The following MIB1 variants were observed in gnomAD, a reference collection of about 807,000 sequenced individuals.
MIB1 encodes the protein E3 ubiquitin-protein ligase MIB1.
MIB1 carries 278 observed loss-of-function variants against 124.5 expected under a neutral mutation model. The observed-to-expected ratio is 2.23, with a 90% CI of 2.02 to 2.47. MIB1 has a LOEUF of 2.47. MIB1 is among the 30% of genes most tolerant of loss of function. The pLI is 0.00. For synonymous variants in MIB1, 446 were observed against 429.4 expected (o/e 1.04, Z -0.48); for missense variants, 957 against 1,254.4 (o/e 0.76, Z 3.58).
At chr18:21,709,382 G>A (rs984342523) in intron 1 of MIB1, among the ~76,000 whole-genome samples, 5 of 151,132 alleles carry the variant, frequency 3.3e-5, no homozygotes, top group African/African-American at 4.9e-5. Flanking sequence ...CTCTCTCTCG[G>A]CTACACTGCA....
At chr18:21,742,513 G>C (rs923323748) in intron 1 of MIB1, among the ~76,000 whole-genome samples, 3 of 152,098 alleles carry the variant, frequency 2.0e-5, no homozygotes, top group Non-Finnish European at 4.4e-5. Flanking sequence ...ACTAACGTCC[G>C]TCTCAGTAAG....
chr18:21,798,439 T>C (rs2041611533), intron 8 of MIB1, among the ~76,000 whole-genome samples: 1 of 152,116 alleles, frequency 6.6e-6, no homozygotes, highest in South Asian at 2.1e-4. Flanking sequence ...CTGGCTGAAG[T>C]ACTCCCTGGA....
chr18:21,735,930 G>C (rs1180802986), upstream of MIB1, among the ~76,000 whole-genome samples: 1 of 152,240 alleles, frequency 6.6e-6, no homozygotes, highest in African/African-American at 2.4e-5. Flanking sequence ...TCTGGGGGAA[G>C]GGGCAGTTGT....
chr18:21,732,645 C>CGGA (rs773481180), intron 1 of MIB1, among the ~76,000 whole-genome samples: 31 of 152,070 alleles, frequency 2.0e-4, no homozygotes, highest in Admixed American at 3.9e-4. Flanking sequence ...GTGATCCTCC[C>CGGA]ACCTTGGCCT....
At chr18:21,750,362 C>T (rs1478959545) in intron 1 of MIB1, among the ~76,000 whole-genome samples, 1 of 151,988 alleles carries the variant, frequency 6.6e-6, no homozygotes, top group Non-Finnish European at 1.5e-5. Context: ...GAGTCTCGCT[C>T]TGTCGTCCAG....
Position 21,853,223 on chromosome 18 carries a change from G to C in MIB1, c.2665+5G>C. On this transcript the variant is annotated splice_donor_5th_base_variant and intron_variant, in intron 18 of 20. Transcript: ENST00000261537. ...GCCACATGTGTGCTTGTGAGAGTAA[G>C]TAGCCTATGCAGAGTTCCTCAATAT... 6.3e-7 allele frequency: 1 copy of C among 1,594,366 alleles called. No individual in the cohort carries two copies. Among genetic ancestry groups the C allele is most frequent in the Non-Finnish European group, 8.6e-7 (1 of 1,162,652 alleles).
At chr18:21,843,964 A>G (rs2042113093) in intron 14 of MIB1, 128 bp from the exon 15 acceptor site, 2 of 847,510 alleles carry the variant, frequency 2.4e-6, no homozygotes, top group African/African-American at 3.4e-5. Context: ...AGGCAAAAGC[A>G]TAAAAATGAT....
chr18:21,721,159 GTTTTTTTTTT>G (rs34277676), intron 1 of MIB1, among the ~76,000 whole-genome samples: 32 of 29,754 alleles, frequency 1.1e-3, no homozygotes, highest in Non-Finnish European at 2.0e-3. Flanking sequence ...TTTTAAAGAA[GTTTTTTTTTT>G]TTTTTTTTTT....
chr18:21,832,814 G>A (rs1005657418), intron 12 of MIB1, among the ~76,000 whole-genome samples: 2 of 152,132 alleles, frequency 1.3e-5, no homozygotes, highest in African/African-American at 4.8e-5. Flanking sequence ...CTCATATTAT[G>A]AGAAGATGAC....
chr18:21,828,118 A>G (rs1216586327), intron 12 of MIB1: 1 of 151,982 alleles, frequency 6.6e-6, no homozygotes, highest in Non-Finnish European at 1.5e-5. Context: ...AGTTTAGAGA[A>G]ATTGAATTGT....
upstream of MIB1, among the ~76,000 whole-genome samples, chr18:21,739,723 T>TC: frequency 6.6e-6 from 1 of 151,236 alleles, no homozygotes; most frequent in East Asian, 2.0e-4. Context: ...CCCAAGAAGC[T>TC]CCCCACTGCC....
At chr18:21,826,657 G>A (rs1345519211) in intron 12 of MIB1, 1 of 152,006 alleles carries the variant, frequency 6.6e-6, no homozygotes, top group African/African-American at 2.4e-5. Flanking sequence ...TGGTTTTACT[G>A]TTGATTTCAA....
intron 9 of MIB1, among the ~76,000 whole-genome samples, chr18:21,803,264 A>G (rs1267813015): frequency 6.6e-6 from 1 of 152,168 alleles, no homozygotes; most frequent in Non-Finnish European, 1.5e-5. Flanking sequence ...ATCTTTAACT[A>G]TCTTTAATGA....
chr18:21,798,131 T>C lies in MIB1; in HGVS notation c.1140T>C (p.Asp380=). The change falls in exon 8 of 21, where the codon GAT becomes GAC. Residue 380 remains aspartate, a synonymous_variant. Coordinates refer to ENST00000261537, the MANE Select transcript of MIB1 (RefSeq NM_020774.4). The stretch of plus-strand genomic sequence containing the variant: ...TACAACAGATTTATTCAGACAGTGA[T>C]TTAAAGGTGGAAGTTTGTGGAACAT... The part of the protein sequence containing the change: ...GRVQQIYSDS[D]LKVEVCGTSW... 1 of 1,613,320 alleles carries C rather than the reference T, an allele frequency of 6.2e-7. No homozygotes were observed. The highest frequency in any genetic ancestry group is 2.2e-5 in the East Asian group (1 of 44,858).
At chr18:21,746,340 T>G (rs2040912833) in intron 1 of MIB1, among the ~76,000 whole-genome samples, 1 of 152,214 alleles carries the variant, frequency 6.6e-6, no homozygotes. Context: ...ATCAGCTTTA[T>G]TTTTTCTTTC....
At chr18:21,710,379 C>A (rs2040660435) in intron 1 of MIB1, among the ~76,000 whole-genome samples, 1 of 152,182 alleles carries the variant, frequency 6.6e-6, no homozygotes, top group African/African-American at 2.4e-5. Flanking sequence ...CAGGCGTGAG[C>A]CACTGCACCT....
intron 1 of MIB1, 104 bp from the exon 2 acceptor site, chr18:21,765,668 G>C: frequency 9.1e-7 from 1 of 1,104,664 alleles, no homozygotes; most frequent in South Asian, 1.6e-5. Flanking sequence ...TAATTTATTA[G>C]AATATCTTGT....
At chr18:21,811,289 C>T (rs1464152809) in intron 10 of MIB1, among the ~76,000 whole-genome samples, 23 of 152,030 alleles carry the variant, frequency 1.5e-4, no homozygotes, top group Admixed American at 1.5e-3. Context: ...ATGGTATAGC[C>T]ACTGCTGAAA....
intron 12 of MIB1, among the ~76,000 whole-genome samples, chr18:21,821,835 T>A (rs2041881957): frequency 6.6e-6 from 1 of 152,144 alleles, no homozygotes; most frequent in South Asian, 2.1e-4. Flanking sequence ...TCTCCTGACC[T>A]CGTGATCCGC....
Sources: allele counts gnomAD v4.1 joint callset (sites outside exome capture counted in the v4.1 genomes callset), GRCh38; gene constraint gnomAD v4.1.1; transcripts MANE v1.5; gene names NCBI Gene and HGNC (gene_info 2026-07-23, HGNC 2026-07-21).